LMX1A: variants seen among roughly 807,000 people sequenced by gnomAD.
LMX1A encodes the protein LIM homeobox transcription factor 1-alpha.
In LMX1A, 15 loss-of-function variants were observed where a neutral mutation model predicts 49.1. That is an observed-to-expected ratio of 0.31 (90% CI 0.20 to 0.47). LMX1A has a LOEUF of 0.47. Ranked by LOEUF, LMX1A falls within the 20% of genes least tolerant of loss-of-function variation. LMX1A has a pLI of 1.00. For missense variants in LMX1A, 372 were observed against 475.8 expected (o/e 0.78, Z 2.03); for synonymous variants, 167 against 185.7 (o/e 0.90, Z 0.82).
Position 165,323,167 on chromosome 1 carries a change from G to A in LMX1A, c.263+29909C>T, listed in dbSNP as rs994596582. Among the ~76,000 whole-genome samples, 4 of 152,116 alleles carry A rather than the reference G, an allele frequency of 2.6e-5. 1 individual carries two copies. The highest frequency in any genetic ancestry group is 2.6e-4 in the Admixed American group (4 of 15,274). On this transcript the variant is annotated intron_variant, in intron 3 of 8. Transcript: ENST00000342310. ...CATTTCTTTACGTGTAAAATGAGTA[G>A]TCAAATTTCAATTAATAAATATATG...
At chr1:165,275,074 G>A (rs182810233) in intron 3 of LMX1A, among the ~76,000 whole-genome samples, 2 of 152,152 alleles carry the variant, frequency 1.3e-5, no homozygotes, top group African/African-American at 4.8e-5. Context: ...AGGATTCATA[G>A]GTTCATAGGA....
rs770753901 is a variant in LMX1A, at chr1:165,353,242, A to G, written c.97T>C (p.Ser33Pro). 2 of 1,612,678 alleles carry G rather than the reference A, an allele frequency of 1.2e-6. No individual in the cohort carries two copies. Among genetic ancestry groups the G allele is most frequent in the Non-Finnish European group, 1.7e-6 (2 of 1,179,982 alleles). The change falls in exon 3 of 9, where the codon TCT (serine) becomes CCT (proline). Residue 33 changes from serine to proline, a missense_variant. Physicochemically the swap from Ser to Pro is moderately conservative, Grantham distance 74. Transcript: ENST00000342310. ...ACCCGCTGACAGCCCTCGCAGACAG[A>G]CTTGGGGCTCACCGCTCTGCCTGTA... Reference protein sequence around the residue: ...SLLGRAVSPKSVCEGCQRVIL... With the variant: ...SLLGRAVSPKPVCEGCQRVIL...
At chr1:165,223,197 A>C (rs1651914207) in intron 4 of LMX1A, among the ~76,000 whole-genome samples, 1 of 152,232 alleles carries the variant, frequency 6.6e-6, no homozygotes, top group Admixed American at 6.5e-5. Context: ...CTGTCAAGCC[A>C]CCCTGATAGG....
At chr1:165,280,022 A>C (rs1243851840) in intron 3 of LMX1A, among the ~76,000 whole-genome samples, 1 of 152,116 alleles carries the variant, frequency 6.6e-6, no homozygotes. Flanking sequence ...TGAACACACC[A>C]GGCCGTGGCT....
intron 3 of LMX1A, among the ~76,000 whole-genome samples, chr1:165,314,572 T>C (rs1245003806): frequency 1.3e-5 from 2 of 152,206 alleles, no homozygotes; most frequent in Non-Finnish European, 2.9e-5. Context: ...TTCTAGTTTT[T>C]TCTCTACCCT....
At chr1:165,298,347 G>A (rs371547208) in intron 3 of LMX1A, among the ~76,000 whole-genome samples, 156 of 152,342 alleles carry the variant, frequency 1.0e-3, no homozygotes, top group African/African-American at 3.0e-3. Flanking sequence ...TTGCAGGCCC[G>A]TCAGGGAGAA....
chr1:165,241,007 C>G (rs1044104047), intron 4 of LMX1A, among the ~76,000 whole-genome samples: 1 of 152,230 alleles, frequency 6.6e-6, no homozygotes, highest in African/African-American at 2.4e-5. Flanking sequence ...CCTTCCCATT[C>G]TTGCTTGAAA....
chr1:165,220,458 G>A (rs903340171), intron 4 of LMX1A, among the ~76,000 whole-genome samples: 1 of 152,084 alleles, frequency 6.6e-6, no homozygotes, highest in African/African-American at 2.4e-5. Context: ...TGGGCCTTTT[G>A]GGGCCACAGG....
At chr1:165,343,454 T>C (rs1357932580) in intron 3 of LMX1A, among the ~76,000 whole-genome samples, 1 of 151,892 alleles carries the variant, frequency 6.6e-6, no homozygotes, top group Non-Finnish European at 1.5e-5. Flanking sequence ...TGTAGAGTAC[T>C]CTACACTTTA....
chr1:165,246,507 T>C (rs1652853691), intron 4 of LMX1A, among the ~76,000 whole-genome samples: 1 of 152,224 alleles, frequency 6.6e-6, no homozygotes, highest in East Asian at 1.9e-4. Flanking sequence ...GAGTGCTATC[T>C]CTTGAGTAGT....
At position 165,221,529 on chromosome 1, in the gene LMX1A, C is replaced by T. The variant is rs115708769; in HGVS notation, c.497-7716G>A. Among the ~76,000 whole-genome samples, 1,010 of 152,202 alleles carry T rather than the reference C, an allele frequency of 6.6e-3. 12 individuals are homozygous for T. Among genetic ancestry groups the T allele is most frequent in the African/African-American group, 0.023 (970 of 41,532 alleles). ...ACCAAGCTGCATGCCAGAGTCAGGC[C>T]GTAGGTAAAGTGTCCCAAGAAAGAC... On this transcript the variant is annotated intron_variant, in intron 4 of 8. Coordinates refer to ENST00000342310, the MANE Select transcript of LMX1A (RefSeq NM_177398.4).
chr1:165,233,556 A>T (rs1473362937), intron 4 of LMX1A, among the ~76,000 whole-genome samples: 1 of 152,214 alleles, frequency 6.6e-6, no homozygotes, highest in Non-Finnish European at 1.5e-5. Context: ...CTATGTGTTC[A>T]ACTGCCCACC....
Position 165,353,193 on chromosome 1 carries a change from C to T in LMX1A, c.146G>A (p.Arg49Gln), listed in dbSNP as rs376967723. Residue 49 changes from arginine to glutamine, a missense_variant, in exon 3 of 9, where the codon CGG becomes CAG. Transcript: ENST00000342310. ...CTCATGCCAGAAGCTGTCGTTGAGC[C>T]GCAGCAGAAACCTGTCCAAGATGAC... ...QRVILDRFLL[R>Q]LNDSFWHEQC... 46 of 1,613,974 alleles carry T rather than the reference C, an allele frequency of 2.9e-5. No individual in the cohort carries two copies. Among genetic ancestry groups the T allele is most frequent in the Non-Finnish European group, 3.8e-5 (45 of 1,180,038 alleles).
At chr1:165,284,478 G>A (rs1654245822) in intron 3 of LMX1A, among the ~76,000 whole-genome samples, 1 of 152,208 alleles carries the variant, frequency 6.6e-6, no homozygotes, top group Non-Finnish European at 1.5e-5. Context: ...GGGAGTCAAA[G>A]CTAATATTAA....
intron 3 of LMX1A, among the ~76,000 whole-genome samples, chr1:165,265,833 G>A (rs1036292486): frequency 6.6e-6 from 1 of 152,124 alleles, no homozygotes; most frequent in Non-Finnish European, 1.5e-5. Context: ...CTTCACCAAC[G>A]AGAAAACAAC....
intron 3 of LMX1A, among the ~76,000 whole-genome samples, chr1:165,329,654 A>G (rs767609670): frequency 5.4e-5 from 8 of 148,570 alleles, no homozygotes; most frequent in Non-Finnish European, 1.2e-4. Flanking sequence ...CCTTACAGTG[A>G]TATGGGTGAA....
At chr1:165,350,155 A>G (rs1326688124) in intron 3 of LMX1A, among the ~76,000 whole-genome samples, 2 of 144,228 alleles carry the variant, frequency 1.4e-5, no homozygotes, top group Non-Finnish European at 3.0e-5. Context: ...TTGGGCCTCA[A>G]ATTTTTCAAA....
At chr1:165,253,494 A>G (rs76328137) in intron 3 of LMX1A, among the ~76,000 whole-genome samples, 7,897 of 152,250 alleles carry the variant, frequency 0.052, 301 homozygotes, top group Middle Eastern at 0.085. Flanking sequence ...TTGACACAAA[A>G]AAAGAGGGCC....
chr1:165,252,882 C>T (rs1230300581), intron 3 of LMX1A, among the ~76,000 whole-genome samples: 1 of 152,202 alleles, frequency 6.6e-6, no homozygotes, highest in Non-Finnish European at 1.5e-5. Flanking sequence ...ACCATGATGG[C>T]CTAAGGGTTG....
Sources: allele counts gnomAD v4.1 joint callset (sites outside exome capture counted in the v4.1 genomes callset), GRCh38; gene constraint gnomAD v4.1.1; transcripts MANE v1.5; gene names NCBI Gene and HGNC (gene_info 2026-07-23, HGNC 2026-07-21).